Variants in FUT8 observed in about 807,000 individuals in gnomAD.
The protein encoded by FUT8 is fucosyltransferase 8, also known as alpha-(1,6)-fucosyltransferase.
FUT8 carries 29 observed loss-of-function variants against 71.3 expected under a neutral mutation model. The observed-to-expected ratio is 0.41, with a 90% CI of 0.30 to 0.55. The LOEUF is 0.55. Ranked by LOEUF, FUT8 falls within the 20% of genes least tolerant of loss-of-function variation. The probability of loss-of-function intolerance (pLI) is 0.34; values close to 1 mark genes in which losing one functional copy is unlikely to be tolerated. For synonymous variants in FUT8, 254 were observed against 239.3 expected (o/e 1.06, Z -0.57); for missense variants, 544 against 702.1 (o/e 0.77, Z 2.55).
chr14:65,733,227 T>C lies in FUT8; in HGVS notation c.1260-4T>C. 5 of 1,577,510 alleles carry C rather than the reference T, an allele frequency of 3.2e-6. No individual in the cohort carries two copies. The highest frequency in any genetic ancestry group is 4.3e-6 in the Non-Finnish European group (5 of 1,154,558). On this transcript the variant is annotated splice_polypyrimidine_tract_variant and splice_region_variant and intron_variant, in intron 9 of 10. Transcript: ENST00000673929. ...ACCATCTATAAATTAATTTATTTTT[T>C]CAGGTACCCCAATTATGAATTTATT...
intron 2 of FUT8, among the ~76,000 whole-genome samples, chr14:65,526,897 C>T (rs1020779204): frequency 6.6e-6 from 1 of 152,218 alleles, no homozygotes. Flanking sequence ...GGCCCCCACT[C>T]TCTTCTGGCT....
At chr14:65,391,554 C>A in the FUT8 span, among the ~76,000 whole-genome samples, 1 of 152,180 alleles carries the variant, frequency 6.6e-6, no homozygotes, top group African/African-American at 2.4e-5. Flanking sequence ...CGGGGTTTCA[C>A]CATATTGGCC....
intron 7 of FUT8, among the ~76,000 whole-genome samples, chr14:65,670,071 A>G (rs1459116805): frequency 6.6e-6 from 1 of 152,250 alleles, no homozygotes; most frequent in Non-Finnish European, 1.5e-5. Flanking sequence ...TTCAGGAAAC[A>G]TTTAATGAAT....
chr14:65,461,479 G>T (rs1399724901), intron 2 of FUT8, among the ~76,000 whole-genome samples: 2 of 152,180 alleles, frequency 1.3e-5, no homozygotes, highest in Non-Finnish European at 2.9e-5. Flanking sequence ...TGTAGGTACA[G>T]TGTTTGCTCT....
chr14:65,550,917 A>G lies in FUT8; in HGVS notation c.-227-10420A>G, dbSNP rs1885248895. 6.6e-6 allele frequency among the ~76,000 whole-genome samples: 1 copy of G among 152,230 alleles called. No homozygotes were observed. Among genetic ancestry groups the G allele is most frequent in the Non-Finnish European group, 1.5e-5 (1 of 68,040 alleles). On this transcript the variant is annotated intron_variant, in intron 2 of 10. Transcript: ENST00000673929. This position sits in a 1 kb window ranked among gnomAD's most constrained non-coding sequence, Gnocchi z 4.5. ...TTTCCAGTTTAGTGCTGTTGCAGAC[A>G]ATGATGTAAAGAGTATGTGAATGCA...
chr14:65,499,164 C>T (rs1449530838), intron 2 of FUT8, among the ~76,000 whole-genome samples: 1 of 152,210 alleles, frequency 6.6e-6, no homozygotes, highest in Non-Finnish European at 1.5e-5. Flanking sequence ...ATTCTCCTGC[C>T]TCAACCTCCC....
intron 2 of FUT8, 81 bp downstream of exon 2, chr14:65,455,799 G>A (rs1456058788): frequency 5.1e-6 from 2 of 395,078 alleles, no homozygotes; most frequent in Non-Finnish European, 8.9e-6. Flanking sequence ...TGTGGTTAAA[G>A]CTACATGTTA....
intron 6 of FUT8, among the ~76,000 whole-genome samples, chr14:65,645,134 C>T (rs1469115531): frequency 2.6e-5 from 4 of 152,220 alleles, no homozygotes; most frequent in East Asian, 1.9e-4. Context: ...CATGAATGAC[C>T]GTGAAAGCAC....
At chr14:65,580,952 A>C (rs1887058565) in intron 3 of FUT8, among the ~76,000 whole-genome samples, 1 of 152,074 alleles carries the variant, frequency 6.6e-6, no homozygotes, top group Non-Finnish European at 1.5e-5. Flanking sequence ...ATTGTTCTCA[A>C]AGTTGGTAGT....
intron 2 of FUT8, among the ~76,000 whole-genome samples, chr14:65,538,156 C>T (rs903158291): frequency 1.3e-5 from 2 of 152,158 alleles, no homozygotes; most frequent in South Asian, 2.1e-4. Flanking sequence ...TACAGATGCT[C>T]CCACACCAAA....
At chr14:65,654,445 G>A (rs775145077) in intron 6 of FUT8, among the ~76,000 whole-genome samples, 7 of 151,976 alleles carry the variant, frequency 4.6e-5, no homozygotes, top group South Asian at 2.1e-4. Flanking sequence ...AAAATTAGCC[G>A]GGCATGGTGG....
At chr14:65,479,748 A>G (rs2066300904) in intron 2 of FUT8, 1 of 152,168 alleles carries the variant, frequency 6.6e-6, no homozygotes, top group African/African-American at 2.4e-5. Flanking sequence ...TGGGGCTAGA[A>G]GATAAGGACT....
Position 65,574,620 on chromosome 14 carries a change from A to G in FUT8, c.203+12854A>G, listed in dbSNP as rs887576764. Among the ~76,000 whole-genome samples the G allele has an allele frequency of 1.3e-5, 2 of 152,206 alleles. No individual in the cohort carries two copies. The highest frequency in any genetic ancestry group is 4.8e-5 in the African/African-American group (2 of 41,448). On this transcript the variant is annotated intron_variant, in intron 3 of 10. Transcript: ENST00000673929. This position sits in a 1 kb window ranked among gnomAD's most constrained non-coding sequence, Gnocchi z 5.2. ...GGTATTATAGAATAATATATTTTTA[A>G]TTAAACATGAAAAGCTTTAAATGGT...
intron 1 of FUT8, among the ~76,000 whole-genome samples, chr14:65,446,796 T>TC (rs1300851285): frequency 1.0e-4 from 15 of 145,262 alleles, no homozygotes; most frequent in South Asian, 2.2e-4. Context: ...CCTCTCTCTC[T>TC]TTTTTTTTTT....
At chr14:65,523,902 T>C (rs1321658422) in intron 2 of FUT8, among the ~76,000 whole-genome samples, 1 of 152,226 alleles carries the variant, frequency 6.6e-6, no homozygotes. Flanking sequence ...GTATTATTTC[T>C]GAGGGCTCTG....
At chr14:65,387,623 T>G in the FUT8 span, among the ~76,000 whole-genome samples, 3 of 152,220 alleles carry the variant, frequency 2.0e-5, no homozygotes, top group Non-Finnish European at 2.9e-5. Flanking sequence ...CTCTGAATTC[T>G]CAACTTCATC....
At chr14:65,451,967 A>G (rs1383406826) in intron 1 of FUT8, among the ~76,000 whole-genome samples, 4 of 152,220 alleles carry the variant, frequency 2.6e-5, no homozygotes, top group African/African-American at 9.7e-5. Flanking sequence ...GGCCATGGTT[A>G]CAGGCTTTTT....
chr14:65,443,055 ATATGGAAACTTACTG>A (rs1419461330), intron 1 of FUT8, among the ~76,000 whole-genome samples: 6 of 152,176 alleles, frequency 3.9e-5, no homozygotes, highest in Non-Finnish European at 8.8e-5. Flanking sequence ...GAGGAGTAGT[ATATGGAAACTTACTG>A]TATTATCTTC....
intron 7 of FUT8, among the ~76,000 whole-genome samples, chr14:65,681,256 C>G (rs1893020280): frequency 6.6e-6 from 1 of 152,042 alleles, no homozygotes; most frequent in African/African-American, 2.4e-5. Flanking sequence ...GCAGAATGGT[C>G]CTTGAAAAAT....
Sources: allele counts gnomAD v4.1 joint callset (sites outside exome capture counted in the v4.1 genomes callset), GRCh38; gene constraint gnomAD v4.1.1; non-coding constraint Gnocchi (gnomAD v3.1); transcripts MANE v1.5; gene names NCBI Gene and HGNC (gene_info 2026-07-23, HGNC 2026-07-21).